PTPRN2: variants seen among roughly 807,000 people sequenced by gnomAD.
The protein encoded by PTPRN2 is receptor-type tyrosine-protein phosphatase N2.
A neutral mutation model predicts 118.8 loss-of-function variants in PTPRN2; 74 were observed. That is an observed-to-expected ratio of 0.62 (90% CI 0.52 to 0.76). The LOEUF is 0.76. Among genes scored for constraint, PTPRN2 ranks in the 30% least tolerant of loss-of-function variants. The pLI, the probability that PTPRN2 is intolerant of heterozygous loss-of-function variation, is 0.00. For missense variants in PTPRN2, 1,481 were observed against 1,394.4 expected (o/e 1.06, Z -0.99); for synonymous variants, 641 against 608.0 (o/e 1.05, Z -0.80).
chr7:157,725,245 C>T lies in PTPRN2; in HGVS notation c.1789-42308G>A, dbSNP rs1024132378. On this transcript the variant is annotated intron_variant, in intron 12 of 22. Coordinates refer to ENST00000389418, the MANE Select transcript of PTPRN2 (RefSeq NM_002847.5). ...TCGCCTCCCAGGAGAACTGGATATC[C>T]ACATGCAGAGGAGTGAGCCAGACCC... Among the ~76,000 whole-genome samples the T allele has an allele frequency of 2.3e-3, 267 of 113,842 alleles. 2 individuals are homozygous for T. Among genetic ancestry groups the T allele is most frequent in the African/African-American group, 4.6e-3 (111 of 24,204 alleles). 74.7% of individuals were successfully genotyped at this position (113,842 alleles called of 152,430 possible). A position where few individuals can be genotyped will look rare whatever the true frequency, so the allele number is the denominator to read the frequency against.
At chr7:157,570,629 G>A (rs1303001934) in intron 20 of PTPRN2, among the ~76,000 whole-genome samples, 1 of 152,212 alleles carries the variant, frequency 6.6e-6, no homozygotes, top group African/African-American at 2.4e-5. Context: ...TCTTACTGGT[G>A]TGGTTTTAAC....
chr7:158,257,645 G>T (rs1042145859), intron 3 of PTPRN2, among the ~76,000 whole-genome samples: 8 of 152,196 alleles, frequency 5.3e-5, no homozygotes, highest in Non-Finnish European at 1.5e-5. Context: ...AGCCCACTTC[G>T]CTCAGCCTGG....
intron 11 of PTPRN2, among the ~76,000 whole-genome samples, chr7:158,032,914 A>G: frequency 6.6e-6 from 1 of 152,190 alleles, no homozygotes; most frequent in East Asian, 1.9e-4. Context: ...CTTATTGTCA[A>G]AAGGCATTAC....
rs913999179 is a variant in PTPRN2, at chr7:157,953,392, C to T, written c.1724-54655G>A. ...GTGGGAACTCAGGAGCAGGGGCTGG[C>T]GGCACTCCCCGGGCACAGAGGGAAC... On this transcript the variant is annotated intron_variant, in intron 11 of 22. Coordinates refer to ENST00000389418, the MANE Select transcript of PTPRN2 (RefSeq NM_002847.5). This position sits in a 1 kb window ranked among gnomAD's most constrained non-coding sequence, Gnocchi z 4.6. 6.6e-6 allele frequency among the ~76,000 whole-genome samples: 1 copy of T among 152,006 alleles called. No homozygotes were observed. Among genetic ancestry groups the T allele is most frequent in the Non-Finnish European group, 1.5e-5 (1 of 67,988 alleles).
At chr7:157,906,380 T>C (rs931247405) in intron 11 of PTPRN2, among the ~76,000 whole-genome samples, 5 of 152,210 alleles carry the variant, frequency 3.3e-5, no homozygotes, top group African/African-American at 9.6e-5. Context: ...ACAATTCCTG[T>C]AAAGGAATCT....
In PTPRN2 at chr7:157,773,354, C is replaced by T. The variant is rs149441123; in HGVS notation, c.1789-90417G>A. ...GCCTAGAAAACAAACAGGAGAGAGGCGGCTCCCAACCTCCAGGAGATGAAA... is the reference window on the plus strand; with the variant it reads ...GCCTAGAAAACAAACAGGAGAGAGGTGGCTCCCAACCTCCAGGAGATGAAA... On this transcript the variant is annotated intron_variant, in intron 12 of 22. Transcript: ENST00000389418. Among the ~76,000 whole-genome samples the T allele has an allele frequency of 4.9e-3, 750 of 152,268 alleles. 2 individuals carry two copies. The highest frequency in any genetic ancestry group is 0.01 in the Middle Eastern group (3 of 294).
intron 2 of PTPRN2, among the ~76,000 whole-genome samples, chr7:158,379,901 G>A (rs966425354): frequency 6.6e-6 from 1 of 152,182 alleles, no homozygotes; most frequent in African/African-American, 2.4e-5. Context: ...GAGGAGCAAA[G>A]TCACATCTCA....
At chr7:158,446,644 T>C (rs1817748719) in intron 2 of PTPRN2, among the ~76,000 whole-genome samples, 1 of 152,280 alleles carries the variant, frequency 6.6e-6, no homozygotes, top group Admixed American at 6.5e-5. Context: ...TGGTCCCTGG[T>C]GTAATTTCCT....
At chr7:157,902,801 G>C (rs1797548859) in intron 11 of PTPRN2, among the ~76,000 whole-genome samples, 1 of 152,206 alleles carries the variant, frequency 6.6e-6, no homozygotes, top group African/African-American at 2.4e-5. Flanking sequence ...CACGTGCTGT[G>C]GTTCAACGGC....
chr7:158,523,965 G>C (rs1158511436), intron 1 of PTPRN2, among the ~76,000 whole-genome samples: 2 of 55,620 alleles, frequency 3.6e-5, no homozygotes, highest in Non-Finnish European at 6.6e-5. Flanking sequence ...CCCTGGAGTG[G>C]AGTCGGCCCT....
chr7:158,283,950 T>C (rs1799601530), intron 3 of PTPRN2, among the ~76,000 whole-genome samples: 1 of 152,178 alleles, frequency 6.6e-6, no homozygotes, highest in African/African-American at 2.4e-5. Flanking sequence ...AGGAGGGCTG[T>C]GTCCTGCTCC....
At chr7:158,311,887 ACGTGTAGACACCCACACACG>A in intron 3 of PTPRN2, among the ~76,000 whole-genome samples, 1 of 148,046 alleles carries the variant, frequency 6.8e-6, no homozygotes, top group African/African-American at 2.6e-5. Context: ...ACACACCTGC[ACGTGTAGACACCCACACACG>A]CACACACCTG....
At chr7:158,298,844 G>A (rs1314578001) in intron 3 of PTPRN2, among the ~76,000 whole-genome samples, 1 of 152,150 alleles carries the variant, frequency 6.6e-6, no homozygotes, top group Non-Finnish European at 1.5e-5. Context: ...AGTAAAAACA[G>A]CACAGCCCAG....
At chr7:157,963,487 A>C (rs778910211) in intron 11 of PTPRN2, among the ~76,000 whole-genome samples, 16 of 152,286 alleles carry the variant, frequency 1.1e-4, no homozygotes, top group Non-Finnish European at 2.4e-4. Flanking sequence ...TCTTAAAAGT[A>C]ATCACATAGA....
chr7:157,693,491 C>A (rs1170551137), intron 12 of PTPRN2, among the ~76,000 whole-genome samples: 7 of 152,114 alleles, frequency 4.6e-5, no homozygotes, highest in Admixed American at 4.6e-4. Context: ...ATCCTGCCCT[C>A]GCTGCCCCGA....
At chr7:157,810,503 TG>T (rs2151115094) in intron 12 of PTPRN2, among the ~76,000 whole-genome samples, 1 of 105,222 alleles carries the variant, frequency 9.5e-6, no homozygotes, top group South Asian at 3.5e-4. Flanking sequence ...AGGGTCTCCA[TG>T]GGGACGGCGG....
chr7:158,042,732 G>A (rs1385206324), intron 11 of PTPRN2, among the ~76,000 whole-genome samples: 2 of 152,198 alleles, frequency 1.3e-5, no homozygotes, highest in African/African-American at 2.4e-5. Context: ...GAATCCGATG[G>A]GTGTCTGTGA....
At chr7:157,628,727 C>T (rs951285498) in intron 14 of PTPRN2, among the ~76,000 whole-genome samples, 7 of 152,064 alleles carry the variant, frequency 4.6e-5, no homozygotes, top group African/African-American at 1.2e-4. Context: ...GGTGTGTGCC[C>T]GGGGATGGGG....
intron 17 of PTPRN2, among the ~76,000 whole-genome samples, chr7:157,589,214 C>T (rs143966025): frequency 6.6e-6 from 1 of 152,322 alleles, no homozygotes; most frequent in East Asian, 1.9e-4. Context: ...TGATGGGAGG[C>T]TCACGATGGC....
Sources: allele counts gnomAD v4.1 joint callset (sites outside exome capture counted in the v4.1 genomes callset), GRCh38; gene constraint gnomAD v4.1.1; non-coding constraint Gnocchi (gnomAD v3.1); transcripts MANE v1.5; gene names NCBI Gene and HGNC (gene_info 2026-07-23, HGNC 2026-07-21).